SNTG2: variants seen among roughly 807,000 people sequenced by gnomAD.
The protein encoded by SNTG2 is gamma-2-syntrophin.
A neutral mutation model predicts 70.9 loss-of-function variants in SNTG2; 74 were observed. The ratio of observed to expected loss-of-function variants is 1.04; its 90% confidence interval spans 0.86 to 1.27. The LOEUF is 1.27. Among genes scored for constraint, SNTG2 ranks in the 50% most tolerant of loss-of-function variants. The pLI is 0.00. For missense variants in SNTG2, 717 were observed against 690.7 expected (o/e 1.04, Z -0.43); for synonymous variants, 278 against 273.8 (o/e 1.02, Z -0.15).
At chr2:1,015,320 GTCTTAA>G (rs2148001647) in intron 1 of SNTG2, among the ~76,000 whole-genome samples, 1 of 152,232 alleles carries the variant, frequency 6.6e-6, no homozygotes, top group South Asian at 2.1e-4. Flanking sequence ...AAAAATGACA[GTCTTAA>G]TCAGATTAAA....
intron 1 of SNTG2, among the ~76,000 whole-genome samples, chr2:962,868 T>G (rs1483466439): frequency 6.6e-6 from 1 of 152,150 alleles, no homozygotes; most frequent in Non-Finnish European, 1.5e-5. Flanking sequence ...AGAAGATAAG[T>G]GTCATCCCTT....
chr2:1,305,924 A>G (rs1426598031), intron 14 of SNTG2, among the ~76,000 whole-genome samples: 1 of 152,232 alleles, frequency 6.6e-6, no homozygotes, highest in Non-Finnish European at 1.5e-5. Context: ...TGATGTTTAC[A>G]ATTTCTACAG....
chr2:1,057,002 A>T (rs1159118999), intron 1 of SNTG2, among the ~76,000 whole-genome samples: 1 of 138,558 alleles, frequency 7.2e-6, no homozygotes, highest in Non-Finnish European at 1.6e-5. Flanking sequence ...GGGAGGGAGG[A>T]GAGGGCGGCG....
intron 13 of SNTG2, among the ~76,000 whole-genome samples, chr2:1,262,370 G>T (rs151132037): frequency 1.3e-5 from 2 of 152,338 alleles, no homozygotes; most frequent in South Asian, 4.1e-4. Context: ...AGGGACAGGA[G>T]ATGACGCCAT....
rs1676920538 is a variant in SNTG2, at chr2:1,239,668, A to C, written c.850-70A>C. 2.6e-6 allele frequency: 4 copies of C among 1,547,132 alleles called. No homozygotes were observed. In the Admixed American group the frequency reaches 7.0e-5, roughly 27 times the overall value. The stretch of plus-strand genomic sequence containing the variant: ...GGACAGAGCGTGGCTGATGACTTCC[A>C]GCTGTCACTCAGGTGAGCCATCCTG... On this transcript the variant is annotated intron_variant, in intron 10 of 16. Transcript: ENST00000308624.
Position 1,353,454 on chromosome 2 carries a change from A to C in SNTG2, c.1489-13889A>C, listed in dbSNP as rs1331151895. Among the ~76,000 whole-genome samples the C allele has an allele frequency of 6.6e-6, 1 of 152,202 alleles. No individual in the cohort carries two copies. The highest frequency in any genetic ancestry group is 6.5e-5 in the Admixed American group (1 of 15,286). ...ACTTCTTGGGCTTATTCTAAGACAA[A>C]CTACAAAGCATCCTCGCTTATTCCA... On this transcript the variant is annotated intron_variant, in intron 16 of 16. Transcript: ENST00000308624. The surrounding 1 kb of genome is among the most constrained non-coding windows in gnomAD (Gnocchi z 4.2).
intron 16 of SNTG2, among the ~76,000 whole-genome samples, chr2:1,317,729 G>A (rs1572973989): frequency 7.0e-6 from 1 of 142,544 alleles, no homozygotes; most frequent in Non-Finnish European, 1.5e-5. Flanking sequence ...CATTGGAGAA[G>A]GTTGGGATTC....
At chr2:1,212,817 T>G (rs1489986138) in intron 9 of SNTG2, among the ~76,000 whole-genome samples, 1 of 152,026 alleles carries the variant, frequency 6.6e-6, no homozygotes, top group African/African-American at 2.4e-5. Flanking sequence ...TGGATGGAGT[T>G]CTAAAATTCC....
intron 1 of SNTG2, among the ~76,000 whole-genome samples, chr2:978,216 C>T (rs1054899902): frequency 7.2e-5 from 11 of 152,280 alleles, no homozygotes; most frequent in African/African-American, 2.6e-4. Context: ...GCTCGTGGTG[C>T]AGGATGATGC....
chr2:1,059,955 A>G (rs1034920135), intron 1 of SNTG2, among the ~76,000 whole-genome samples: 3 of 152,172 alleles, frequency 2.0e-5, no homozygotes, highest in African/African-American at 7.2e-5. Context: ...GGAGATATAT[A>G]AGAAAAGTGG....
chr2:1,006,316 A>G (rs1659570037), intron 1 of SNTG2, among the ~76,000 whole-genome samples: 1 of 152,120 alleles, frequency 6.6e-6, no homozygotes. Context: ...TATAATTAAA[A>G]AAAAGAAAAA....
chr2:1,243,984 C>G (rs1320437870), intron 11 of SNTG2, among the ~76,000 whole-genome samples: 1 of 152,186 alleles, frequency 6.6e-6, no homozygotes, highest in Non-Finnish European at 1.5e-5. Flanking sequence ...CAAGAGCGTG[C>G]CACTGCACTC....
At chr2:1,352,605 A>G (rs1227803627) in intron 16 of SNTG2, among the ~76,000 whole-genome samples, 1 of 152,046 alleles carries the variant, frequency 6.6e-6, no homozygotes, top group African/African-American at 2.4e-5. Flanking sequence ...CTCCCCATAA[A>G]GCTTATGAGT....
chr2:1,222,329 A>G (rs2148044333), intron 9 of SNTG2, among the ~76,000 whole-genome samples: 1 of 152,346 alleles, frequency 6.6e-6, no homozygotes, highest in South Asian at 2.1e-4. Flanking sequence ...TTTTCTTCGT[A>G]TCCAAGCAAG....
At chr2:956,232 C>A (rs1221020975) in intron 1 of SNTG2, among the ~76,000 whole-genome samples, 1 of 121,316 alleles carries the variant, frequency 8.2e-6, no homozygotes, top group African/African-American at 3.3e-5. Context: ...GCCCCTGCCC[C>A]ACCCCTGCCC....
intron 8 of SNTG2, among the ~76,000 whole-genome samples, chr2:1,202,915 A>T (rs541515626): frequency 1.3e-5 from 2 of 152,280 alleles, no homozygotes; most frequent in East Asian, 3.9e-4. Flanking sequence ...CCCAAATACA[A>T]ACCAAAAACT....
At chr2:1,334,152 C>A (rs1227740887) in intron 16 of SNTG2, among the ~76,000 whole-genome samples, 1 of 152,016 alleles carries the variant, frequency 6.6e-6, no homozygotes, top group Non-Finnish European at 1.5e-5. Flanking sequence ...AGGCAATTCT[C>A]AAAAGAAAAT....
At chr2:1,195,999 G>A (rs1298425948) in intron 8 of SNTG2, among the ~76,000 whole-genome samples, 1 of 151,968 alleles carries the variant, frequency 6.6e-6, no homozygotes, top group Non-Finnish European at 1.5e-5. Context: ...GTATATAATA[G>A]TTTGAGTTTG....
Position 1,122,628 on chromosome 2 carries a change from G to A in SNTG2, c.326-14994G>A, listed in dbSNP as rs540634675. On this transcript the variant is annotated intron_variant, in intron 4 of 16. Transcript: ENST00000308624. ...AGCATTATAATCAATATGAACAAACGCTTTAACATTAAGATCCTCTGCAAG... is the reference window on the plus strand; with the variant it reads ...AGCATTATAATCAATATGAACAAACACTTTAACATTAAGATCCTCTGCAAG... Among the ~76,000 whole-genome samples, 5 of 150,776 alleles carry A rather than the reference G, an allele frequency of 3.3e-5. No individual in the cohort carries two copies. In the South Asian group the frequency reaches 1.0e-3, roughly 31 times the overall value.
Sources: gnomAD v4.1 joint callset for allele counts (sites outside exome capture counted in the v4.1 genomes callset) on GRCh38, gnomAD v4.1.1 for gene constraint, Gnocchi (gnomAD v3.1) non-coding constraint, MANE v1.5 for transcripts, NCBI Gene and HGNC (gene_info 2026-07-23, HGNC 2026-07-21) for gene names.